SND1: variants seen among roughly 807,000 people sequenced by gnomAD.
SND1 encodes the protein staphylococcal nuclease domain-containing protein 1.
A neutral mutation model predicts 121.7 loss-of-function variants in SND1; 38 were observed. The ratio of observed to expected loss-of-function variants is 0.31; its 90% confidence interval spans 0.24 to 0.41. The LOEUF is 0.41. SND1 is among the 10% of genes least tolerant of loss of function. The pLI, the probability that SND1 is intolerant of heterozygous loss-of-function variation, is 1.00. For synonymous variants in SND1, 401 were observed against 447.4 expected (o/e 0.90, Z 1.31); for missense variants, 868 against 1,184.6 (o/e 0.73, Z 3.92).
chr7:127,870,345 G>A (rs2116698573), intron 12 of SND1, among the ~76,000 whole-genome samples: 1 of 152,194 alleles, frequency 6.6e-6, no homozygotes, highest in Non-Finnish European at 1.5e-5. Context: ...TCGAGTATAA[G>A]CTTGATAATA....
At chr7:127,919,863 G>C (rs1800661603) in intron 14 of SND1, among the ~76,000 whole-genome samples, 1 of 152,064 alleles carries the variant, frequency 6.6e-6, no homozygotes, top group Non-Finnish European at 1.5e-5. Context: ...GATATAAATT[G>C]GATGTTTACG....
intron 15 of SND1, among the ~76,000 whole-genome samples, chr7:127,990,608 C>T (rs1350383499): frequency 6.6e-6 from 1 of 152,128 alleles, no homozygotes; most frequent in Non-Finnish European, 1.5e-5. Context: ...GCTCAAGCTG[C>T]GAGACTATGG....
At position 127,915,409 on chromosome 7, in the gene SND1, G is replaced by A. The variant is rs187402801; in HGVS notation, c.1527+10590G>A. ...TCCAGTTCAGGTTCCAAATCCTACC[G>A]CTCCCTCTCCTGAGTTCTTTTACTG... is the stretch of plus-strand genomic sequence containing the variant. On this transcript the variant is annotated intron_variant, in intron 14 of 23. Transcript: ENST00000354725. Among the ~76,000 whole-genome samples the A allele has an allele frequency of 3.8e-4, 58 of 152,160 alleles. No individual in the cohort carries two copies. The East Asian group carries it at 7.9e-3, about 21-fold the overall frequency.
chr7:127,996,745 A>C (rs986501120), intron 16 of SND1, among the ~76,000 whole-genome samples: 13 of 152,208 alleles, frequency 8.5e-5, no homozygotes, highest in Admixed American at 6.5e-4. Context: ...ATTTATTTTC[A>C]CAAAGCCCCC....
At chr7:127,693,923 G>C (rs1385759113) in intron 2 of SND1, among the ~76,000 whole-genome samples, 1 of 152,124 alleles carries the variant, frequency 6.6e-6, no homozygotes, top group African/African-American at 2.4e-5. Flanking sequence ...ACCATCCCAG[G>C]AGTGATAGGA....
rs1242706575 is a variant in SND1 at position 127,789,391 on chromosome 7, C to T, written c.1153-18093C>T. Among the ~76,000 whole-genome samples, 5 of 152,188 alleles carry T rather than the reference C, an allele frequency of 3.3e-5. No homozygotes were observed. In the East Asian group the frequency reaches 5.8e-4, roughly 18 times the overall value. On this transcript the variant is annotated intron_variant, in intron 10 of 23. Coordinates refer to ENST00000354725, the MANE Select transcript of SND1 (RefSeq NM_014390.4). ...TTCATAAATTACACATGCATAAATG[C>T]GAGCCTAGCCCTGTCTGATTAAATC... is the stretch of plus-strand genomic sequence containing the variant.
intron 18 of SND1, among the ~76,000 whole-genome samples, chr7:128,082,672 G>A (rs1051755524): frequency 2.0e-5 from 3 of 152,192 alleles, no homozygotes; most frequent in Admixed American, 6.5e-5. Flanking sequence ...AGCCTTTAGG[G>A]CTGGGTCATG....
chr7:128,047,849 A>G (rs751584261), intron 16 of SND1, among the ~76,000 whole-genome samples: 1 of 150,100 alleles, frequency 6.7e-6, no homozygotes, highest in East Asian at 1.9e-4. Context: ...ATGAACCTGC[A>G]TCTTTTTTTT....
chr7:127,958,864 T>C (rs748220927), intron 15 of SND1, among the ~76,000 whole-genome samples: 2 of 152,064 alleles, frequency 1.3e-5, no homozygotes, highest in Non-Finnish European at 2.9e-5. Flanking sequence ...TCCCCTGAAT[T>C]TTCTGCACAC....
At chr7:127,695,207 C>T (rs1172323834) in intron 3 of SND1, among the ~76,000 whole-genome samples, 1 of 152,178 alleles carries the variant, frequency 6.6e-6, no homozygotes, top group Non-Finnish European at 1.5e-5. Context: ...CATTCTTCCT[C>T]ATGTTTAGGC....
intron 14 of SND1, among the ~76,000 whole-genome samples, chr7:127,922,307 C>T (rs186830161): frequency 8.0e-5 from 12 of 149,646 alleles, no homozygotes; most frequent in African/African-American, 1.2e-4. Context: ...ATGAGGCCAC[C>T]GTGCCTGGCT....
At chr7:127,742,584 G>A (rs984187115) in intron 10 of SND1, among the ~76,000 whole-genome samples, 1 of 152,150 alleles carries the variant, frequency 6.6e-6, no homozygotes, top group African/African-American at 2.4e-5. Flanking sequence ...AGATATGGGC[G>A]GGTGGGTAGT....
intron 22 of SND1, 192 bp downstream of exon 22, chr7:128,089,884 T>C (rs1793748707): frequency 8.4e-6 from 5 of 597,244 alleles, no homozygotes; most frequent in Admixed American, 3.0e-5. Flanking sequence ...ATTAATTGGC[T>C]GCGGGTTTGG....
intron 12 of SND1, among the ~76,000 whole-genome samples, chr7:127,874,374 G>A (rs1465486341): frequency 6.6e-6 from 1 of 152,072 alleles, no homozygotes; most frequent in African/African-American, 2.4e-5. Flanking sequence ...ACCATATTAT[G>A]CACAAAAGTA....
intron 16 of SND1, among the ~76,000 whole-genome samples, chr7:128,042,809 A>G (rs577788050): frequency 8.1e-4 from 124 of 152,324 alleles, no homozygotes; most frequent in African/African-American, 2.9e-3. Flanking sequence ...CAGCACCACC[A>G]CCAACCCTGT....
At chr7:127,760,001 G>A (rs1797273718) in intron 10 of SND1, among the ~76,000 whole-genome samples, 1 of 152,126 alleles carries the variant, frequency 6.6e-6, no homozygotes, top group African/African-American at 2.4e-5. Context: ...CAACCTGCTC[G>A]ACATACTTGG....
rs1799315295 is a variant in SND1 at position 127,858,107 on chromosome 7, C to G, written c.1343+13683C>G. On this transcript the variant is annotated intron_variant, in intron 12 of 23. Coordinates refer to ENST00000354725, the MANE Select transcript of SND1 (RefSeq NM_014390.4). ...GTTGGGGTCTCCAGTTCCCCCTCTGCCACTTCCTCAGCGAACATGTCTAGG... is the reference window on the plus strand; with the variant it reads ...GTTGGGGTCTCCAGTTCCCCCTCTGGCACTTCCTCAGCGAACATGTCTAGG... 3 of 906,176 alleles carry G rather than the reference C, an allele frequency of 3.3e-6. No individual in the cohort carries two copies. In the East Asian group the frequency reaches 7.2e-5, roughly 22 times the overall value. 56.1% of individuals were successfully genotyped at this position (906,176 alleles called of 1,614,324 possible).
At chr7:127,827,643 A>T (rs1178247447) in intron 11 of SND1, among the ~76,000 whole-genome samples, 1 of 152,190 alleles carries the variant, frequency 6.6e-6, no homozygotes, top group Non-Finnish European at 1.5e-5. Flanking sequence ...TCTTATGTTT[A>T]TCACGATGCA....
intron 11 of SND1, among the ~76,000 whole-genome samples, chr7:127,826,041 A>C (rs140651062): frequency 0.017 from 2,588 of 152,122 alleles, 92 homozygotes; most frequent in African/African-American, 0.059. Flanking sequence ...AAATACAAAA[A>C]TTAGCTGGGC....
Sources: allele counts gnomAD v4.1 joint callset (sites outside exome capture counted in the v4.1 genomes callset), GRCh38; gene constraint gnomAD v4.1.1; transcripts MANE v1.5; gene names NCBI Gene and HGNC (gene_info 2026-07-23, HGNC 2026-07-21).